AKTIP: variants seen among roughly 807,000 people sequenced by gnomAD.
The protein encoded by AKTIP is AKT-interacting protein.
Under a neutral mutation model 39.1 loss-of-function variants are expected in AKTIP, and 16 were observed. That is an observed-to-expected ratio of 0.41 (90% CI 0.28 to 0.62). The LOEUF is 0.62. AKTIP is among the 20% of genes least tolerant of loss of function. The pLI, the probability that AKTIP is intolerant of heterozygous loss-of-function variation, is 0.32. For missense variants in AKTIP, 262 were observed against 356.6 expected, an observed-to-expected ratio of 0.73 and a Z score of 2.14; for synonymous variants, 93 against 124.3, an observed-to-expected ratio of 0.75 and a Z score of 1.67.
intron 3 of AKTIP, among the ~76,000 whole-genome samples, chr16:53,497,250 G>C (rs1010076714): frequency 2.0e-5 from 3 of 152,172 alleles, no homozygotes; most frequent in Non-Finnish European, 4.4e-5. Flanking sequence ...AGGCACCACA[G>C]GGTCGCTGCC....
chr16:53,503,662 C>G (rs767906688), upstream of AKTIP, among the ~76,000 whole-genome samples: 2 of 152,200 alleles, frequency 1.3e-5, no homozygotes, highest in Non-Finnish European at 2.9e-5. Flanking sequence ...CATACGCTAA[C>G]GTCTGCAAGC....
At chr16:53,497,435 G>A (rs1475952577) in intron 3 of AKTIP, among the ~76,000 whole-genome samples, 1 of 152,204 alleles carries the variant, frequency 6.6e-6, no homozygotes, top group East Asian at 1.9e-4. Flanking sequence ...ATCCTTCCTT[G>A]TGACAGACCT....
rs1961418621 is a variant in AKTIP at position 53,491,131 on chromosome 16, GT to G, written c.*1280del. 1 of 152,408 alleles carries G rather than the reference GT, an allele frequency of 6.6e-6. No individual in the cohort carries two copies. The allele number at this position is 152,408 out of a possible 1,614,324, so 9.4% of individuals were successfully genotyped here. On this transcript the variant is annotated 3_prime_UTR_variant, in exon 10 of 10. Coordinates refer to ENST00000394657, the MANE Select transcript of AKTIP (RefSeq NM_022476.4). ...TTTTGGGAATGTTTTAAATTCTCCA[GT>G]TTTTTGTTATATAGGGATCAACCAG...
intron 1 of AKTIP, among the ~76,000 whole-genome samples, chr16:53,502,376 T>G (rs376498974): frequency 6.6e-6 from 1 of 152,222 alleles, no homozygotes; most frequent in South Asian, 2.1e-4. Flanking sequence ...TCTGCCTGTT[T>G]GGCCACGGCT....
Position 53,492,678 on chromosome 16 carries a change from T to C in AKTIP, c.771+15A>G, listed in dbSNP as rs138086580. 21 of 1,613,476 alleles carry C rather than the reference T, an allele frequency of 1.3e-5. No homozygotes were observed. The highest frequency in any genetic ancestry group is 1.1e-4 in the African/African-American group (8 of 75,026). On this transcript the variant is annotated intron_variant, in intron 9 of 9. Coordinates refer to ENST00000394657, the MANE Select transcript of AKTIP (RefSeq NM_022476.4). Reference sequence around the variant, plus strand: ...AACAATGAGTTAGCCATTTCATAAGTTGTTATCCACTTACTTTCTGAGTCA... The same window carrying C: ...AACAATGAGTTAGCCATTTCATAAGCTGTTATCCACTTACTTTCTGAGTCA...
intron 3 of AKTIP, 93 bp from the exon 4 acceptor site, chr16:53,495,419 C>T: frequency 8.4e-7 from 1 of 1,194,778 alleles, no homozygotes; most frequent in Non-Finnish European, 1.2e-6. Flanking sequence ...ATGAACGGCC[C>T]CTCAATGGGC....
Position 53,495,317 on chromosome 16 carries a change from A to C in AKTIP, c.258T>G (p.Val86=). 1 of 1,614,238 alleles carries C rather than the reference A, an allele frequency of 6.2e-7. No individual in the cohort carries two copies. The highest frequency in any genetic ancestry group is 8.5e-7 in the Non-Finnish European group (1 of 1,180,042). Residue 86 remains valine (V), a synonymous_variant, in exon 4 of 10, where the codon GTT becomes GTG. Coordinates refer to ENST00000394657, the MANE Select transcript of AKTIP (RefSeq NM_022476.4). ...AGACGCCTGGTAGCTTCTGCTTCAC[A>C]ACCAAGGTACTACAACAAAAGCAGA... ...EYSLLAEFTL[V]VKQKLPGVYV...
intron 8 of AKTIP, 62 bp from the exon 9 acceptor site, chr16:53,492,815 A>G (rs577475243): frequency 6.0e-6 from 9 of 1,508,228 alleles, no homozygotes; most frequent in Non-Finnish European, 8.2e-6. Context: ...TATAACATTC[A>G]TTTTGCAGTT....
intron 2 of AKTIP, among the ~76,000 whole-genome samples, chr16:53,499,736 C>T (rs999187695): frequency 6.6e-6 from 1 of 152,090 alleles, no homozygotes; most frequent in African/African-American, 2.4e-5. Flanking sequence ...CTGGGGATTA[C>T]AAGCATGAGC....
rs1284857214 is a variant in AKTIP at position 53,492,711 on chromosome 16, T to G, written c.753A>C (p.Glu251Asp). 2.5e-5 allele frequency: 41 copies of G among 1,614,056 alleles called. No individual in the cohort carries two copies. The highest frequency in any genetic ancestry group is 3.4e-5 in the Non-Finnish European group (40 of 1,180,020). ...CACTTACTTTCTGAGTCAGCATCTT[T>G]TCTCTGGCTTCATCATGTACAGAAG... ...WNPSVHDEAR[E>D]KMLTQKKPEE... The change falls in exon 9 of 10, where the codon GAA (glutamate) becomes GAC (aspartate). Residue 251 changes from glutamate to aspartate, a missense_variant. By Grantham distance (45) the Glu-to-Asp change is conservative. This residue lies in a region of AKTIP where 145 missense variants were observed against 159.3 expected (regional missense o/e 0.91). Coordinates refer to ENST00000394657, the MANE Select transcript of AKTIP (RefSeq NM_022476.4).
chr16:53,502,222 C>T (rs1430516230), intron 1 of AKTIP, among the ~76,000 whole-genome samples: 4 of 152,178 alleles, frequency 2.6e-5, no homozygotes, highest in Non-Finnish European at 5.9e-5. Context: ...CCAATGTTTC[C>T]AGCAGCAACA....
At chr16:53,503,944 C>G (rs1962332451), upstream of AKTIP, among the ~76,000 whole-genome samples, 1 of 151,758 alleles carries the variant, frequency 6.6e-6, no homozygotes, top group Non-Finnish European at 1.5e-5. Context: ...GTGTCGGCCC[C>G]GACCTGCAGC....
At chr16:53,492,789 T>C in intron 8 of AKTIP, 36 bp from the exon 9 acceptor site, 1 of 1,588,932 alleles carries the variant, frequency 6.3e-7, no homozygotes, top group Non-Finnish European at 8.6e-7. Flanking sequence ...AACTATTTGT[T>C]GGCTCACTAA....
At chr16:53,495,357 T>G in intron 3 of AKTIP, 31 bp from the exon 4 acceptor site, 1 of 1,608,160 alleles carries the variant, frequency 6.2e-7, no homozygotes, top group Middle Eastern at 1.7e-4. Context: ...TTAACTTGTG[T>G]GGATACAAAT....
chr16:53,496,498 GC>G (rs1961842525), intron 3 of AKTIP, among the ~76,000 whole-genome samples: 1 of 122,170 alleles, frequency 8.2e-6, no homozygotes, highest in Non-Finnish European at 1.7e-5. Flanking sequence ...GGTCAAGGAT[GC>G]TTTTTTTTTT....
At chr16:53,494,056 C>T in intron 8 of AKTIP, 82 bp downstream of exon 8, 1 of 1,099,202 alleles carries the variant, frequency 9.1e-7, no homozygotes, top group South Asian at 1.3e-5. Flanking sequence ...TTTTTATATC[C>T]CTATTCTGAG....
chr16:53,494,822 T>G (rs1459065223), intron 5 of AKTIP: 1 of 710,630 alleles, frequency 1.4e-6, no homozygotes, highest in Non-Finnish European at 2.5e-6. Context: ...CACTAGAGCC[T>G]GAGGGCCACC....
chr16:53,499,740 C>T (rs1045910576), intron 2 of AKTIP, among the ~76,000 whole-genome samples: 5 of 152,166 alleles, frequency 3.3e-5, no homozygotes, highest in Non-Finnish European at 7.3e-5. Context: ...GGATTACAAG[C>T]ATGAGCCACC....
intron 1 of AKTIP, chr16:53,501,183 T>TCA (rs1205463251): frequency 6.6e-6 from 1 of 152,198 alleles, no homozygotes; most frequent in Non-Finnish European, 1.5e-5. Context: ...CACAAGTATG[T>TCA]CACTAAGACG....
Sources: gnomAD v4.1 joint callset for allele counts (sites outside exome capture counted in the v4.1 genomes callset) on GRCh38, gnomAD v4.1.1 for gene constraint, gnomAD v4.1.1 regional missense constraint, MANE v1.5 for transcripts, NCBI Gene and HGNC (gene_info 2026-07-23, HGNC 2026-07-21) for gene names.